ZSCAN20: variants seen among roughly 807,000 people sequenced by gnomAD.
ZSCAN20 encodes zinc finger and SCAN domain-containing protein 20.
In ZSCAN20, 39 loss-of-function variants were observed where a neutral mutation model predicts 97.1. The observed-to-expected ratio is 0.40, with a 90% CI of 0.31 to 0.52. The LOEUF is 0.52. Among genes scored for constraint, ZSCAN20 ranks in the 20% least tolerant of loss-of-function variants. The pLI is 0.49. For missense variants in ZSCAN20, 1,115 were observed against 1,290.4 expected, an observed-to-expected ratio of 0.86 and a Z score of 2.08; for synonymous variants, 456 against 467.3, an observed-to-expected ratio of 0.98 and a Z score of 0.31.
intron 2 of ZSCAN20, among the ~76,000 whole-genome samples, chr1:33,484,967 G>A (rs1197577426): frequency 2.6e-5 from 4 of 152,098 alleles, no homozygotes; most frequent in Non-Finnish European, 5.9e-5. Context: ...TAGCTTTCTT[G>A]TCTTGTAAGT....
Position 33,491,437 on chromosome 1 carries a change from C to T in ZSCAN20, c.1179C>T (p.Ser393=), listed in dbSNP as rs772518055. The T allele has an allele frequency of 1.2e-6, 2 of 1,614,180 alleles. No individual in the cohort carries two copies. The highest frequency in any genetic ancestry group is 3.3e-5 in the Admixed American group (2 of 60,026). The part of the protein sequence containing the change: ...LLRNYRKAKS[S]HPPGTCPFYE... Reference sequence around the variant, plus strand: ...GGAATTACCGGAAAGCCAAGAGCAGCCACCCACCAGGTACCTGCCCCTTCT... The same window carrying T: ...GGAATTACCGGAAAGCCAAGAGCAGTCACCCACCAGGTACCTGCCCCTTCT... Residue 393 remains serine, a synonymous_variant, in exon 6 of 8, where the codon AGC becomes AGT. Coordinates refer to ENST00000684572, the MANE Select transcript of ZSCAN20 (RefSeq NM_001377376.1). This position sits in a 1 kb window ranked among gnomAD's most constrained non-coding sequence, Gnocchi z 4.3.
rs1056473029 is a variant in ZSCAN20, at chr1:33,494,516, C to G, written c.2172C>G (p.His724Gln). ...TGAAGAGCTTCAGTCGGAGCTCCCA[C>G]TTCATTGCCCATCAGCGAATCCACA... ...TCMKSFSRSSHFIAHQRIHTG... is the reference protein window; with the variant it reads ...TCMKSFSRSSQFIAHQRIHTG... The change falls in exon 8 of 8, where the codon CAC becomes CAG. Residue 724 changes from histidine (H) to glutamine (Q), a missense_variant. Physicochemically the swap from His to Gln is conservative, Grantham distance 24. Around this residue, in one of 3 missense-constraint regions of ZSCAN20, gnomAD observed 554 missense variants for 584.9 expected, o/e 0.95. Coordinates refer to ENST00000684572, the MANE Select transcript of ZSCAN20 (RefSeq NM_001377376.1). 1.2e-6 allele frequency: 2 copies of G among 1,614,222 alleles called. No individual in the cohort carries two copies. The highest frequency in any genetic ancestry group is 1.7e-5 in the Admixed American group (1 of 60,026).
At position 33,494,851 on chromosome 1, in the gene ZSCAN20, C is replaced by G. The variant is rs572372323; in HGVS notation, c.2507C>G (p.Ser836Cys). The G allele has an allele frequency of 6.8e-6, 11 of 1,614,214 alleles. No individual in the cohort carries two copies. In the South Asian group the frequency reaches 1.1e-4, roughly 16 times the overall value. Residue 836 changes from serine (S) to cysteine (C), a missense_variant, in exon 8 of 8, where the codon TCT becomes TGT. By Grantham distance (112) the Ser-to-Cys change is moderately radical. This residue lies in a region of ZSCAN20 where 554 missense variants were observed against 584.9 expected (regional missense o/e 0.95). Coordinates refer to ENST00000684572, the MANE Select transcript of ZSCAN20 (RefSeq NM_001377376.1). Reference protein sequence around the residue: ...EPGGNFAQSPSFSAHWRNSTE... With the variant: ...EPGGNFAQSPCFSAHWRNSTE... ...GGGGGAAACTTTGCCCAAAGCCCATCTTTTAGTGCTCACTGGAGGAATTCT... is the reference window on the plus strand; with the variant it reads ...GGGGGAAACTTTGCCCAAAGCCCATGTTTTAGTGCTCACTGGAGGAATTCT...
intron 2 of ZSCAN20, among the ~76,000 whole-genome samples, chr1:33,484,044 G>T (rs1394242438): frequency 2.0e-5 from 3 of 152,108 alleles, no homozygotes; most frequent in African/African-American, 2.4e-5. Flanking sequence ...TTGCATATTT[G>T]CATATTTGTA....
intron 2 of ZSCAN20, among the ~76,000 whole-genome samples, chr1:33,480,257 C>G (rs1049179857): frequency 6.6e-6 from 1 of 152,176 alleles, no homozygotes; most frequent in Non-Finnish European, 1.5e-5. Flanking sequence ...GCCTGTAATC[C>G]TAGCACTTTG....
intron 1 of ZSCAN20, among the ~76,000 whole-genome samples, chr1:33,478,691 A>G (rs1461253185): frequency 6.6e-6 from 1 of 152,164 alleles, no homozygotes; most frequent in Admixed American, 6.5e-5. Flanking sequence ...GAGGAATGCC[A>G]GCCAAGCTTT....
chr1:33,482,182 C>G (rs1652180752), intron 2 of ZSCAN20, among the ~76,000 whole-genome samples: 1 of 152,170 alleles, frequency 6.6e-6, no homozygotes, highest in African/African-American at 2.4e-5. Flanking sequence ...TAGTGACATA[C>G]AGAGTAGCTT....
Position 33,499,795 on chromosome 1 carries a change from T to C in ZSCAN20, c.*4319T>C, listed in dbSNP as rs1001831530. ...TTTTTTTGGGGGGGAGATGGGGGTC[T>C]TGTGTTGCCCAGGCTGGTCTTGAAC... On this transcript the variant is annotated 3_prime_UTR_variant, in exon 8 of 8. Transcript: ENST00000684572. Among the ~76,000 whole-genome samples, 1 of 152,096 alleles carries C rather than the reference T, an allele frequency of 6.6e-6. No individual in the cohort carries two copies. Among genetic ancestry groups the C allele is most frequent in the African/African-American group, 2.4e-5 (1 of 41,388 alleles).
Position 33,498,995 on chromosome 1 carries a change from A to G in ZSCAN20, c.*3519A>G, listed in dbSNP as rs971608127. Among the ~76,000 whole-genome samples, 3 of 152,136 alleles carry G rather than the reference A, an allele frequency of 2.0e-5. No homozygotes were observed. Among genetic ancestry groups the G allele is most frequent in the African/African-American group, 7.2e-5 (3 of 41,412 alleles). On this transcript the variant is annotated 3_prime_UTR_variant, in exon 8 of 8. Transcript: ENST00000684572. ...TCATGGTCATGGCTGCCTTGGCCTTATTGTCCACTGTAGCCTCCTCCCAGA... is the reference window on the plus strand; with the variant it reads ...TCATGGTCATGGCTGCCTTGGCCTTGTTGTCCACTGTAGCCTCCTCCCAGA...
At chr1:33,487,788 A>G (rs554667400) in intron 2 of ZSCAN20, among the ~76,000 whole-genome samples, 4 of 152,130 alleles carry the variant, frequency 2.6e-5, no homozygotes, top group Admixed American at 6.5e-5. Context: ...GGGTACAGGC[A>G]TGTGCCACCA....
Position 33,495,399 on chromosome 1 carries a change from G to C in ZSCAN20, c.3055G>C (p.Glu1019Gln). 1 of 1,604,776 alleles carries C rather than the reference G, an allele frequency of 6.2e-7. No individual in the cohort carries two copies. Among genetic ancestry groups the C allele is most frequent in the Non-Finnish European group, 8.5e-7 (1 of 1,175,304 alleles). ...HTGEKPYKCT[E>Q]CGKDFNNSSH... Reference sequence around the variant, plus strand: ...AGGGGAGAAACCCTACAAGTGCACAGAGTGTGGCAAAGACTTCAACAACAG... The same window carrying C: ...AGGGGAGAAACCCTACAAGTGCACACAGTGTGGCAAAGACTTCAACAACAG... Residue 1019 changes from glutamate to glutamine, a missense_variant, in exon 8 of 8, where the codon GAG (glutamate) becomes CAG (glutamine). By Grantham distance (29) the Glu-to-Gln change is conservative. Around this residue, in one of 3 missense-constraint regions of ZSCAN20, gnomAD observed 554 missense variants for 584.9 expected, o/e 0.95. Coordinates refer to ENST00000684572, the MANE Select transcript of ZSCAN20 (RefSeq NM_001377376.1).
chr1:33,483,894 C>G (rs1652249801), intron 2 of ZSCAN20, among the ~76,000 whole-genome samples: 1 of 152,040 alleles, frequency 6.6e-6, no homozygotes, highest in South Asian at 2.1e-4. Flanking sequence ...TGGTAGTTTT[C>G]CCCATGTAAA....
intron 1 of ZSCAN20, among the ~76,000 whole-genome samples, chr1:33,473,101 C>T (rs563577957): frequency 6.6e-6 from 1 of 152,086 alleles, no homozygotes; most frequent in Non-Finnish European, 1.5e-5. Flanking sequence ...CCATCTAGAA[C>T]AAGCATATCT....
At position 33,491,415 on chromosome 1, in the gene ZSCAN20, A is replaced by G. The variant is rs749319487; in HGVS notation, c.1157A>G (p.Asn386Ser). Residue 386 changes from asparagine to serine, a missense_variant, in exon 6 of 8, where the codon AAT (asparagine) becomes AGT (serine). By Grantham distance (46) the Asn-to-Ser change is conservative (BLOSUM62 1). Around this residue, in one of 3 missense-constraint regions of ZSCAN20, gnomAD observed 508 missense variants for 611.2 expected, o/e 0.83. Transcript: ENST00000684572. The surrounding 1 kb of genome is among the most constrained non-coding windows in gnomAD (Gnocchi z 4.3). ...CRYRVKNLLR[N>S]YRKAKSSHPP... Reference sequence around the variant, plus strand: ...TATAGGGTCAAAAACCTCCTACGGAATTACCGGAAAGCCAAGAGCAGCCAC... The same window carrying G: ...TATAGGGTCAAAAACCTCCTACGGAGTTACCGGAAAGCCAAGAGCAGCCAC... 5.0e-6 allele frequency: 8 copies of G among 1,614,192 alleles called. No homozygotes were observed. Among genetic ancestry groups the G allele is most frequent in the Non-Finnish European group, 6.8e-6 (8 of 1,180,024 alleles).
Position 33,489,108 on chromosome 1 carries a change from T to C in ZSCAN20, c.605-7T>C, listed in dbSNP as rs1001874230. The C allele has an allele frequency of 1.2e-6, 2 of 1,606,608 alleles. No individual in the cohort carries two copies. Among genetic ancestry groups the C allele is most frequent in the African/African-American group, 2.7e-5 (2 of 74,868 alleles). ...CTTGGGTTTCAGTGACTTTTTCTTT[T>C]CCTCAGCTGTCCTCACTCCCCGAGT... On this transcript the variant is annotated splice_polypyrimidine_tract_variant and splice_region_variant and intron_variant, in intron 3 of 7. Transcript: ENST00000684572.
At position 33,495,401 on chromosome 1, in the gene ZSCAN20, G is replaced by A; in HGVS notation, c.3057G>A (p.Glu1019=). The A allele has an allele frequency of 1.2e-6, 2 of 1,602,120 alleles. No individual in the cohort carries two copies. The highest frequency in any genetic ancestry group is 1.7e-6 in the Non-Finnish European group (2 of 1,173,948). The change falls in exon 8 of 8, where the codon GAG becomes GAA. Residue 1019 remains glutamate (E), a synonymous_variant. Coordinates refer to ENST00000684572, the MANE Select transcript of ZSCAN20 (RefSeq NM_001377376.1). The stretch of plus-strand genomic sequence containing the variant: ...GGGAGAAACCCTACAAGTGCACAGA[G>A]TGTGGCAAAGACTTCAACAACAGTT... ...HTGEKPYKCT[E]CGKDFNNSSH...
intron 2 of ZSCAN20, among the ~76,000 whole-genome samples, chr1:33,479,950 CAG>C (rs1652083871): frequency 6.6e-6 from 1 of 152,084 alleles, no homozygotes; most frequent in Non-Finnish European, 1.5e-5. Flanking sequence ...AAAACAGAGA[CAG>C]AGAAAAGATA....
At position 33,495,308 on chromosome 1, in the gene ZSCAN20, G is replaced by T. The variant is rs1436187444; in HGVS notation, c.2964G>T (p.Lys988Asn). The T allele has an allele frequency of 6.2e-7, 1 of 1,613,022 alleles. No individual in the cohort carries two copies. Among genetic ancestry groups the T allele is most frequent in the Non-Finnish European group, 8.5e-7 (1 of 1,179,418 alleles). ...QRIHTGEKPY[K>N]CRECGKCFNQ... ...TTCATACGGGAGAGAAGCCGTATAAGTGCAGAGAGTGTGGGAAATGCTTTA... is the reference window on the plus strand; with the variant it reads ...TTCATACGGGAGAGAAGCCGTATAATTGCAGAGAGTGTGGGAAATGCTTTA... Residue 988 changes from lysine to asparagine, a missense_variant, in exon 8 of 8, where the codon AAG becomes AAT. By Grantham distance (94) the Lys-to-Asn change is moderately conservative. Transcript: ENST00000684572.
At position 33,498,669 on chromosome 1, in the gene ZSCAN20, C is replaced by T. The variant is rs780097538; in HGVS notation, c.*3193C>T. Among the ~76,000 whole-genome samples the T allele has an allele frequency of 1.1e-4, 17 of 152,214 alleles. No individual in the cohort carries two copies. The highest frequency in any genetic ancestry group is 1.6e-4 in the Non-Finnish European group (11 of 68,040). On this transcript the variant is annotated 3_prime_UTR_variant, in exon 8 of 8. Coordinates refer to ENST00000684572, the MANE Select transcript of ZSCAN20 (RefSeq NM_001377376.1). The stretch of plus-strand genomic sequence containing the variant: ...TTTCTCAGCCTTCCTGGCCACAGGT[C>T]AGACCCTGGTTATGGAAAACCAAAC...
Sources: allele counts gnomAD v4.1 joint callset (sites outside exome capture counted in the v4.1 genomes callset), GRCh38; gene constraint gnomAD v4.1.1; regional missense constraint gnomAD v4.1.1; non-coding constraint Gnocchi (gnomAD v3.1); transcripts MANE v1.5; gene names NCBI Gene and HGNC (gene_info 2026-07-23, HGNC 2026-07-21).